EXOC6B: variants seen among roughly 807,000 people sequenced by gnomAD.
EXOC6B encodes the protein exocyst complex component 6B, also known as SEC15 homolog B.
In EXOC6B, 54 loss-of-function variants were observed where a neutral mutation model predicts 113.5. That is an observed-to-expected ratio of 0.48 (90% CI 0.38 to 0.60). The LOEUF is 0.60. Among genes scored for constraint, EXOC6B ranks in the 20% least tolerant of loss-of-function variants. The pLI, the probability that EXOC6B is intolerant of heterozygous loss-of-function variation, is 0.00. For missense variants in EXOC6B, 797 were observed against 977.5 expected (o/e 0.82, Z 2.46); for synonymous variants, 357 against 339.0 (o/e 1.05, Z -0.58).
chr2:72,347,187 C>T (rs761040989), intron 19 of EXOC6B, among the ~76,000 whole-genome samples: 3 of 152,176 alleles, frequency 2.0e-5, no homozygotes, highest in Non-Finnish European at 2.9e-5. Flanking sequence ...TCAATTTCAC[C>T]ATATATCTTT....
At chr2:72,505,941 C>T (rs1178866992) in intron 11 of EXOC6B, among the ~76,000 whole-genome samples, 2 of 151,918 alleles carry the variant, frequency 1.3e-5, no homozygotes, top group African/African-American at 4.8e-5. Context: ...TATATTAATA[C>T]ACTTTGTAAT....
intron 17 of EXOC6B, among the ~76,000 whole-genome samples, chr2:72,475,573 G>C (rs1698686580): frequency 6.6e-6 from 1 of 152,092 alleles, no homozygotes; most frequent in Non-Finnish European, 1.5e-5. Flanking sequence ...GGGTTGGGGG[G>C]TGGCAGGTCA....
At chr2:72,768,340 G>A (rs1683218496) in intron 1 of EXOC6B, among the ~76,000 whole-genome samples, 1 of 146,246 alleles carries the variant, frequency 6.8e-6, no homozygotes, top group Non-Finnish European at 1.5e-5. Flanking sequence ...TGCCCAGGCT[G>A]GAGTGCAATG....
chr2:72,199,225 G>A (rs1158784278), intron 20 of EXOC6B, among the ~76,000 whole-genome samples: 1 of 152,114 alleles, frequency 6.6e-6, no homozygotes, highest in Non-Finnish European at 1.5e-5. Flanking sequence ...TTTTCAAGGT[G>A]ATTTTATTAG....
At position 72,474,556 on chromosome 2, in the gene EXOC6B, C is replaced by T. The variant is rs1698619468; in HGVS notation, c.1800+6060G>A. ...CTAGTCTACTGTTGAAGATTTTGAA[C>T]ATATTTTGCATTTCATTTAATAAAT... On this transcript the variant is annotated intron_variant, in intron 17 of 21. Coordinates refer to ENST00000272427, the MANE Select transcript of EXOC6B (RefSeq NM_015189.3). Among the ~76,000 whole-genome samples the T allele has an allele frequency of 2.0e-5, 3 of 151,672 alleles. No homozygotes were observed. The South Asian group carries it at 6.2e-4, about 31-fold the overall frequency.
intron 18 of EXOC6B, among the ~76,000 whole-genome samples, chr2:72,440,137 C>T (rs559030374): frequency 6.6e-6 from 1 of 152,260 alleles, no homozygotes; most frequent in Middle Eastern, 3.4e-3. Flanking sequence ...TGGGAGGTCT[C>T]ACCTAGTCAG....
chr2:72,497,464 A>G (rs962627209), intron 13 of EXOC6B, among the ~76,000 whole-genome samples: 1 of 152,150 alleles, frequency 6.6e-6, no homozygotes, highest in Non-Finnish European at 1.5e-5. Flanking sequence ...GGAACATACT[A>G]CCAAAATCAA....
chr2:72,373,556 ATACTT>A (rs1225235156), intron 19 of EXOC6B, among the ~76,000 whole-genome samples: 38 of 152,332 alleles, frequency 2.5e-4, no homozygotes, highest in African/African-American at 6.3e-4. Flanking sequence ...AGGAGACAAA[ATACTT>A]TATAGGAAAA....
At chr2:72,673,943 C>CTCTTCACACTTGTATCTATCACAT (rs1190685647) in intron 6 of EXOC6B, among the ~76,000 whole-genome samples, 6 of 152,070 alleles carry the variant, frequency 3.9e-5, no homozygotes, top group Non-Finnish European at 7.4e-5. Flanking sequence ...AAAAATTATT[C>CTCTTCACACTTGTATCTATCACAT]TCTTCACACT....
chr2:72,402,321 A>G (rs664652), intron 18 of EXOC6B, among the ~76,000 whole-genome samples: 1 of 152,130 alleles, frequency 6.6e-6, no homozygotes, highest in African/African-American at 2.4e-5. Context: ...CCTTAATAAA[A>G]TGTTTACAAT....
intron 8 of EXOC6B, among the ~76,000 whole-genome samples, chr2:72,524,992 G>A (rs1253573369): frequency 6.6e-6 from 1 of 152,170 alleles, no homozygotes; most frequent in Non-Finnish European, 1.5e-5. Flanking sequence ...TTCTAACAGA[G>A]CCCTGTTTAT....
intron 6 of EXOC6B, among the ~76,000 whole-genome samples, chr2:72,610,598 A>G (rs567728432): frequency 3.3e-5 from 5 of 152,330 alleles, no homozygotes; most frequent in African/African-American, 9.6e-5. Context: ...ATTAAAACTC[A>G]AAGTATAAGA....
At chr2:72,526,746 A>G (rs974237767) in intron 8 of EXOC6B, among the ~76,000 whole-genome samples, 1 of 152,040 alleles carries the variant, frequency 6.6e-6, no homozygotes, top group African/African-American at 2.4e-5. Context: ...TAAATATTAG[A>G]TCTATATCTG....
chr2:72,579,382 T>C (rs942960600), intron 6 of EXOC6B, among the ~76,000 whole-genome samples: 38 of 152,098 alleles, frequency 2.5e-4, no homozygotes, highest in African/African-American at 8.9e-4. Context: ...ACTTTACCAT[T>C]CTTAGACTGC....
At chr2:72,803,791 T>G (rs1685430047) in intron 1 of EXOC6B, among the ~76,000 whole-genome samples, 1 of 152,240 alleles carries the variant, frequency 6.6e-6, no homozygotes, top group East Asian at 1.9e-4. Context: ...GACACTTGGC[T>G]GCCATCTGCT....
rs149112608 is a variant in EXOC6B, at chr2:72,396,687, A to G, written c.1981-16817T>C. Among the ~76,000 whole-genome samples the G allele has an allele frequency of 5.8e-3, 881 of 152,244 alleles. 10 individuals carry two copies. Among genetic ancestry groups the G allele is most frequent in the African/African-American group, 0.02 (814 of 41,560 alleles). On this transcript the variant is annotated intron_variant, in intron 18 of 21. Coordinates refer to ENST00000272427, the MANE Select transcript of EXOC6B (RefSeq NM_015189.3). ...GATCTATAGTTTGCTACTCCTAGCC[A>G]TTATGTTAGAATATGGTTTCCCTTA...
At chr2:72,237,546 C>T (rs1004045188) in intron 20 of EXOC6B, among the ~76,000 whole-genome samples, 1 of 152,076 alleles carries the variant, frequency 6.6e-6, no homozygotes, top group African/African-American at 2.4e-5. Context: ...GAAGTAAAGC[C>T]TCTGGCTAAA....
chr2:72,304,959 G>C (rs922893360), intron 20 of EXOC6B, among the ~76,000 whole-genome samples: 3 of 152,170 alleles, frequency 2.0e-5, no homozygotes, highest in Non-Finnish European at 4.4e-5. Context: ...CAAGTATTGG[G>C]AGCAGACATA....
intron 20 of EXOC6B, 86 bp downstream of exon 20, chr2:72,334,861 C>T (rs1688598832): frequency 6.9e-6 from 9 of 1,301,904 alleles, no homozygotes; most frequent in Non-Finnish European, 1.0e-5. Flanking sequence ...CGCCAATCCC[C>T]CTCCCTTCCC....
Sources: allele counts gnomAD v4.1 joint callset (sites outside exome capture counted in the v4.1 genomes callset), GRCh38; gene constraint gnomAD v4.1.1; transcripts MANE v1.5; gene names NCBI Gene and HGNC (gene_info 2026-07-23, HGNC 2026-07-21).